The following TRAPPC9 variants were observed in gnomAD, a reference collection of about 807,000 sequenced individuals.
The protein encoded by TRAPPC9 is trafficking protein particle complex subunit 9.
A neutral mutation model predicts 124.0 loss-of-function variants in TRAPPC9; 83 were observed. That is an observed-to-expected ratio of 0.67 (90% CI 0.56 to 0.80). The LOEUF (loss-of-function observed/expected upper bound fraction) is 0.80, where lower values mean the gene tolerates loss of function less well. Among genes scored for constraint, TRAPPC9 ranks in the 30% least tolerant of loss-of-function variants. The pLI, the probability that TRAPPC9 is intolerant of heterozygous loss-of-function variation, is 0.00. For missense variants in TRAPPC9, 1,302 were observed against 1,508.3 expected, an observed-to-expected ratio of 0.86 and a Z score of 2.27; for synonymous variants, 638 against 617.5, an observed-to-expected ratio of 1.03 and a Z score of -0.49.
chr8:140,072,567 GA>G lies in TRAPPC9; in HGVS notation c.2557-48489del, dbSNP rs1843231483. 1.5e-4 allele frequency among the ~76,000 whole-genome samples: 5 copies of G among 33,146 alleles called. No individual in the cohort carries two copies. In the Admixed American group the frequency reaches 1.5e-3, roughly 10 times the overall value. The allele number at this position is 33,146 out of a possible 152,430, so 21.7% of individuals were successfully genotyped here. On this transcript the variant is annotated intron_variant, in intron 17 of 22. Coordinates refer to ENST00000438773, the MANE Select transcript of TRAPPC9 (RefSeq NM_001160372.4). Reference sequence around the variant, plus strand: ...AGGAGGAAGAGGAGGAGGAGGAGGAGAAAGGAAGGAGGAGGAGGAGAAGGGA... The same window carrying G: ...AGGAGGAAGAGGAGGAGGAGGAGGAGAAGGAAGGAGGAGGAGGAGAAGGGA...
chr8:140,167,413 A>T (rs1472729163), intron 17 of TRAPPC9, among the ~76,000 whole-genome samples: 2 of 152,166 alleles, frequency 1.3e-5, no homozygotes, highest in African/African-American at 4.8e-5. Context: ...AAAGCACATG[A>T]GGTACTTTGC....
intron 17 of TRAPPC9, among the ~76,000 whole-genome samples, chr8:140,067,176 C>G (rs1352679101): frequency 1.3e-5 from 2 of 152,194 alleles, no homozygotes; most frequent in African/African-American, 4.8e-5. Context: ...CAGATTCTCG[C>G]TCTGTCTCCC....
intron 9 of TRAPPC9, among the ~76,000 whole-genome samples, chr8:140,339,490 T>C (rs1232739191): frequency 6.6e-6 from 1 of 152,180 alleles, no homozygotes; most frequent in Non-Finnish European, 1.5e-5. Flanking sequence ...TTCCTACACT[T>C]TTTATAAAGG....
intron 17 of TRAPPC9, among the ~76,000 whole-genome samples, chr8:140,169,675 A>C (rs928149048): frequency 2.0e-5 from 3 of 152,212 alleles, no homozygotes; most frequent in Non-Finnish European, 4.4e-5. Flanking sequence ...GTGAAAGTGT[A>C]TATGATTCCG....
At chr8:139,828,591 C>T (rs1331409336) in intron 21 of TRAPPC9, among the ~76,000 whole-genome samples, 3 of 152,160 alleles carry the variant, frequency 2.0e-5, no homozygotes, top group East Asian at 3.9e-4. Context: ...TGGGGCTGGG[C>T]GATGCAATTA....
intron 19 of TRAPPC9, among the ~76,000 whole-genome samples, chr8:139,939,419 C>T (rs537201188): frequency 2.0e-5 from 3 of 152,230 alleles, no homozygotes; most frequent in Non-Finnish European, 4.4e-5. Flanking sequence ...AGTGAGGAAA[C>T]TCCAGAAGGA....
intron 21 of TRAPPC9, among the ~76,000 whole-genome samples, chr8:139,815,026 C>G (rs1345786829): frequency 6.6e-6 from 1 of 152,214 alleles, no homozygotes; most frequent in African/African-American, 2.4e-5. Context: ...CTGCCAGCAC[C>G]TGGGCCCGAC....
At chr8:140,396,138 C>CTTTTT (rs59266343) in intron 7 of TRAPPC9, among the ~76,000 whole-genome samples, 4 of 83,356 alleles carry the variant, frequency 4.8e-5, no homozygotes, top group African/African-American at 1.7e-4. Context: ...AAGACCTTGC[C>CTTTTT]TTTTTTTTTT....
At chr8:140,071,143 G>A (rs1031696408) in intron 17 of TRAPPC9, among the ~76,000 whole-genome samples, 19 of 152,214 alleles carry the variant, frequency 1.2e-4, no homozygotes, top group African/African-American at 2.4e-5. Context: ...AAACCTGCCT[G>A]AGCTGAAGCC....
intron 17 of TRAPPC9, among the ~76,000 whole-genome samples, chr8:140,034,817 G>T (rs1840770654): frequency 6.6e-6 from 1 of 152,230 alleles, no homozygotes; most frequent in South Asian, 2.1e-4. Flanking sequence ...AAAGCTCAAA[G>T]CCAGGTCTGA....
In TRAPPC9 at chr8:139,976,212, T is replaced by C. The variant is rs4524767; in HGVS notation, c.2810+12514A>G. Among the ~76,000 whole-genome samples, 909 of 152,188 alleles carry C rather than the reference T, an allele frequency of 6.0e-3. 7 individuals are homozygous for C. The highest frequency in any genetic ancestry group is 0.02 in the African/African-American group (828 of 41,518). ...GGCCAGGGTTTTTTTTAACACCCCA[T>C]GCTGGAATAACTGGATATCCATATG... On this transcript the variant is annotated intron_variant, in intron 19 of 22. Coordinates refer to ENST00000438773, the MANE Select transcript of TRAPPC9 (RefSeq NM_001160372.4).
Position 140,087,742 on chromosome 8 carries a change from G to A in TRAPPC9, c.2557-63663C>T, listed in dbSNP as rs939157072. On this transcript the variant is annotated intron_variant, in intron 17 of 22. Coordinates refer to ENST00000438773, the MANE Select transcript of TRAPPC9 (RefSeq NM_001160372.4). This position sits in a 1 kb window ranked among gnomAD's most constrained non-coding sequence, Gnocchi z 4.6. ...GTCTCCCCTGCCTCTACTCGTCCACGTTTCCCTCTCCACCCTGCAATCCAT... is the reference window on the plus strand; with the variant it reads ...GTCTCCCCTGCCTCTACTCGTCCACATTTCCCTCTCCACCCTGCAATCCAT... Among the ~76,000 whole-genome samples, 3 of 152,024 alleles carry A rather than the reference G, an allele frequency of 2.0e-5. No individual in the cohort carries two copies. The highest frequency in any genetic ancestry group is 2.4e-5 in the African/African-American group (1 of 41,404).
At chr8:139,906,186 C>A (rs1170076288) in intron 20 of TRAPPC9, among the ~76,000 whole-genome samples, 1 of 152,200 alleles carries the variant, frequency 6.6e-6, no homozygotes, top group Non-Finnish European at 1.5e-5. Flanking sequence ...CAGAATGTGA[C>A]CCCCACTCTG....
intron 17 of TRAPPC9, among the ~76,000 whole-genome samples, chr8:140,176,081 C>A (rs2062064253): frequency 6.6e-6 from 1 of 152,180 alleles, no homozygotes; most frequent in African/African-American, 2.4e-5. Context: ...AATACAGGGC[C>A]ACTGAACACA....
rs1211197227 is a variant in TRAPPC9, at chr8:140,229,266, T to C, written c.2432-7683A>G. 6.6e-5 allele frequency among the ~76,000 whole-genome samples: 9 copies of C among 136,880 alleles called. 2 individuals carry two copies. Among genetic ancestry groups the C allele is most frequent in the Admixed American group, 1.4e-4 (2 of 13,912 alleles). 89.8% of individuals were successfully genotyped at this position (136,880 alleles called of 152,430 possible). On this transcript the variant is annotated intron_variant, in intron 16 of 22. Transcript: ENST00000438773. The stretch of plus-strand genomic sequence containing the variant: ...TTTTCTTTTTCTTTTTTTTTTTTTT[T>C]TTTTTTTTTTTTTTTTGAGACACAA...
At chr8:140,135,512 A>G (rs1037037153) in intron 17 of TRAPPC9, among the ~76,000 whole-genome samples, 2 of 152,252 alleles carry the variant, frequency 1.3e-5, no homozygotes, top group South Asian at 4.1e-4. Context: ...ACAACATTAT[A>G]CCAGGTGAAA....
intron 21 of TRAPPC9, among the ~76,000 whole-genome samples, chr8:139,836,377 C>T (rs1313163094): frequency 1.3e-5 from 2 of 152,230 alleles, no homozygotes; most frequent in Non-Finnish European, 2.9e-5. Context: ...GATCCTGGTT[C>T]TGACCCTGCG....
chr8:139,917,162 A>ATTATCTTT (rs1832191226), intron 19 of TRAPPC9, among the ~76,000 whole-genome samples: 2 of 70,930 alleles, frequency 2.8e-5, no homozygotes, highest in African/African-American at 1.4e-4. Flanking sequence ...CTTCATTATT[A>ATTATCTTT]TTTTCTTTTT....
intron 17 of TRAPPC9, among the ~76,000 whole-genome samples, chr8:140,076,157 T>C (rs1473292124): frequency 6.6e-6 from 1 of 152,180 alleles, no homozygotes; most frequent in African/African-American, 2.4e-5. Flanking sequence ...TATATATACA[T>C]AGCAGCACTG....
Sources: gnomAD v4.1 joint callset for allele counts (sites outside exome capture counted in the v4.1 genomes callset) on GRCh38, gnomAD v4.1.1 for gene constraint, Gnocchi (gnomAD v3.1) non-coding constraint, MANE v1.5 for transcripts, NCBI Gene and HGNC (gene_info 2026-07-23, HGNC 2026-07-21) for gene names.